The following ADAM32 variants were observed in gnomAD, a reference collection of about 807,000 sequenced individuals.
ADAM32 encodes disintegrin and metalloproteinase domain-containing protein 32.
A neutral mutation model predicts 114.9 loss-of-function variants in ADAM32; 89 were observed. The ratio of observed to expected loss-of-function variants is 0.77; its 90% CI spans 0.65 to 0.92. The LOEUF is 0.92. ADAM32 is among the 40% of genes least tolerant of loss of function. The probability of loss-of-function intolerance (pLI) is 0.00; values close to 1 mark genes in which losing one functional copy is unlikely to be tolerated. For missense variants in ADAM32, 870 were observed against 932.8 expected (o/e 0.93, Z 0.88); for synonymous variants, 285 against 307.5 (o/e 0.93, Z 0.77).
At chr8:39,113,203 C>T (rs935498267) in intron 1 of ADAM32, among the ~76,000 whole-genome samples, 1 of 152,150 alleles carries the variant, frequency 6.6e-6, no homozygotes, top group African/African-American at 2.4e-5. Context: ...CAACCTAGGC[C>T]GTTCAGTCAA....
At chr8:39,212,678 T>C (rs1808308178) in intron 12 of ADAM32, among the ~76,000 whole-genome samples, 1 of 152,218 alleles carries the variant, frequency 6.6e-6, no homozygotes, top group Non-Finnish European at 1.5e-5. Flanking sequence ...AATATTTAAT[T>C]GTGTGGATAT....
intron 12 of ADAM32, among the ~76,000 whole-genome samples, chr8:39,220,490 T>C (rs1808885351): frequency 6.6e-6 from 1 of 152,110 alleles, no homozygotes; most frequent in African/African-American, 2.4e-5. Context: ...TTCTAGTTCC[T>C]TGAGGTGCAT....
chr8:39,242,878 G>T (rs144908328), intron 16 of ADAM32, among the ~76,000 whole-genome samples: 7 of 152,188 alleles, frequency 4.6e-5, no homozygotes, highest in Admixed American at 4.6e-4. Flanking sequence ...AAAACGGATA[G>T]ACCATTAGTG....
At chr8:39,140,237 A>T (rs1256774134) in intron 3 of ADAM32, among the ~76,000 whole-genome samples, 1 of 152,162 alleles carries the variant, frequency 6.6e-6, no homozygotes, top group Non-Finnish European at 1.5e-5. Context: ...GAGAGAGGGC[A>T]TCCTTGTCTT....
chr8:39,130,987 T>C (rs200680662), intron 2 of ADAM32: 36 of 378,452 alleles, frequency 9.5e-5, no homozygotes, highest in Non-Finnish European at 1.7e-4. Flanking sequence ...GACAGAGTCT[T>C]GCTCTGTTGC....
intron 11 of ADAM32, among the ~76,000 whole-genome samples, chr8:39,203,686 G>C (rs1388564070): frequency 6.6e-6 from 1 of 152,150 alleles, no homozygotes; most frequent in Non-Finnish European, 1.5e-5. Flanking sequence ...GATGTTAGCT[G>C]GTTATTTTGC....
intron 11 of ADAM32, among the ~76,000 whole-genome samples, chr8:39,204,578 T>G (rs1807686054): frequency 6.6e-6 from 1 of 152,196 alleles, no homozygotes; most frequent in Admixed American, 6.5e-5. Flanking sequence ...AGGTTCAAAC[T>G]TCCTCCTTTA....
intron 12 of ADAM32, among the ~76,000 whole-genome samples, chr8:39,212,626 T>C (rs1416269226): frequency 6.6e-6 from 1 of 152,230 alleles, no homozygotes; most frequent in Admixed American, 6.5e-5. Context: ...GATTCATCCA[T>C]TTATTTCATA....
intron 5 of ADAM32, among the ~76,000 whole-genome samples, chr8:39,150,491 A>G (rs1313596199): frequency 5.3e-5 from 8 of 152,154 alleles, no homozygotes; most frequent in Non-Finnish European, 1.0e-4. Flanking sequence ...TTATATAAAA[A>G]CAAATAATTT....
chr8:39,165,240 T>C (rs1804756930), intron 9 of ADAM32, 44 bp downstream of exon 9: 1 of 1,315,404 alleles, frequency 7.6e-7, no homozygotes, highest in African/African-American at 1.5e-5. Context: ...AACAAAGACC[T>C]GTGATAATTA....
chr8:39,138,671 T>A (rs1802954855), intron 3 of ADAM32, among the ~76,000 whole-genome samples: 1 of 152,232 alleles, frequency 6.6e-6, no homozygotes, highest in African/African-American at 2.4e-5. Flanking sequence ...TGATTTATAA[T>A]CCTTTGGGTA....
chr8:39,140,243 G>C (rs1803058304), intron 3 of ADAM32, among the ~76,000 whole-genome samples: 1 of 151,860 alleles, frequency 6.6e-6, no homozygotes, highest in Admixed American at 6.6e-5. Flanking sequence ...GGGCATCCTT[G>C]TCTTGTGTGG....
At chr8:39,267,184 T>A (rs1812422871) in intron 19 of ADAM32, among the ~76,000 whole-genome samples, 1 of 152,072 alleles carries the variant, frequency 6.6e-6, no homozygotes, top group African/African-American at 2.4e-5. Flanking sequence ...GTGGTGAGGG[T>A]TCTGTGTGCC....
intron 14 of ADAM32, among the ~76,000 whole-genome samples, chr8:39,225,217 G>A (rs7002593): frequency 0.094 from 14,328 of 152,132 alleles, 2,282 homozygotes; most frequent in African/African-American, 0.33. Flanking sequence ...GCACTCATAC[G>A]TCAGTCTCAG....
chr8:39,128,646 C>T (rs1169173872), intron 2 of ADAM32, among the ~76,000 whole-genome samples: 1 of 152,154 alleles, frequency 6.6e-6, no homozygotes, highest in Non-Finnish European at 1.5e-5. Context: ...TTTGTAGTGG[C>T]TGGTAACAGG....
At chr8:39,169,778 T>G (rs917927708) in intron 9 of ADAM32, 138 bp from the exon 10 acceptor site, 2 of 547,432 alleles carry the variant, frequency 3.7e-6, no homozygotes, top group Non-Finnish European at 6.3e-6. Flanking sequence ...TTGAAACAAT[T>G]GAGGACATAT....
intron 12 of ADAM32, among the ~76,000 whole-genome samples, chr8:39,213,641 A>G (rs1808372962): frequency 6.6e-6 from 1 of 152,096 alleles, no homozygotes; most frequent in Admixed American, 6.5e-5. Context: ...TGAGGTATTC[A>G]TTCCCTCAAA....
At position 39,284,839 on chromosome 8, in the gene ADAM32, G is replaced by T. The variant is rs748888909; in HGVS notation, c.*40G>T. 3 of 1,609,330 alleles carry T rather than the reference G, an allele frequency of 1.9e-6. No homozygotes were observed. The highest frequency in any genetic ancestry group is 2.2e-5 in the South Asian group (2 of 90,760). ...GGCAACGGATAACATCGAGAGTCTC[G>T]CTAAGAAATGAAAATTCTGTCTTTC... On this transcript the variant is annotated 3_prime_UTR_variant, in exon 25 of 25. Transcript: ENST00000379907.
chr8:39,210,250 C>T (rs1679160512), intron 11 of ADAM32, among the ~76,000 whole-genome samples: 1 of 152,204 alleles, frequency 6.6e-6, no homozygotes, highest in Non-Finnish European at 1.5e-5. Flanking sequence ...CCTTCTCCCT[C>T]TCCTAAAAAG....
Sources: gnomAD v4.1 joint callset for allele counts (sites outside exome capture counted in the v4.1 genomes callset) on GRCh38, gnomAD v4.1.1 for gene constraint, MANE v1.5 for transcripts, NCBI Gene and HGNC (gene_info 2026-07-23, HGNC 2026-07-21) for gene names.